The following TMEM132D variants were observed in gnomAD, a reference collection of about 807,000 sequenced individuals.
The protein encoded by TMEM132D is mature OL transmembrane protein.
Under a neutral mutation model 62.3 loss-of-function variants are expected in TMEM132D, and 21 were observed. The observed-to-expected ratio is 0.34, with a 90% CI of 0.24 to 0.49. The LOEUF (loss-of-function observed/expected upper bound fraction) is 0.49, where lower values mean the gene tolerates loss of function less well. Ranked by LOEUF, TMEM132D falls within the 20% of genes least tolerant of loss-of-function variation. The pLI is 0.99. For synonymous variants in TMEM132D, 621 were observed against 575.6 expected (o/e 1.08, Z -1.13); for missense variants, 1,346 against 1,402.8 (o/e 0.96, Z 0.65).
chr12:129,424,071 C>T (rs1365649269), intron 3 of TMEM132D, among the ~76,000 whole-genome samples: 2 of 152,060 alleles, frequency 1.3e-5, no homozygotes, highest in Non-Finnish European at 2.9e-5. Flanking sequence ...TTTTTTGATA[C>T]TAACGACAGT....
At chr12:129,790,614 G>A (rs545190771) in intron 1 of TMEM132D, among the ~76,000 whole-genome samples, 10 of 152,226 alleles carry the variant, frequency 6.6e-5, no homozygotes, top group South Asian at 6.2e-4. Context: ...GGGTTTTTAC[G>A]GCACAGGATG....
chr12:129,864,952 T>C (rs779778549), intron 1 of TMEM132D, among the ~76,000 whole-genome samples: 1 of 152,122 alleles, frequency 6.6e-6, no homozygotes, highest in Non-Finnish European at 1.5e-5. Context: ...GTGAGCTCCA[T>C]CCAAACTCTA....
chr12:129,136,922 C>T (rs1490748862), intron 5 of TMEM132D, among the ~76,000 whole-genome samples: 3 of 141,324 alleles, frequency 2.1e-5, no homozygotes, highest in Admixed American at 7.1e-5. Flanking sequence ...CACCATACCA[C>T]CACCATCATC....
chr12:129,651,987 C>A (rs79966872), intron 2 of TMEM132D, among the ~76,000 whole-genome samples: 3,949 of 152,240 alleles, frequency 0.026, 174 homozygotes, highest in African/African-American at 0.089. Flanking sequence ...AACCTTTAGT[C>A]CCAGGCAAAA....
chr12:129,405,364 A>G (rs1034327927), intron 3 of TMEM132D, among the ~76,000 whole-genome samples: 1 of 152,156 alleles, frequency 6.6e-6, no homozygotes, highest in African/African-American at 2.4e-5. Flanking sequence ...TAATCACCCC[A>G]AAGGCCCTCA....
intron 3 of TMEM132D, among the ~76,000 whole-genome samples, chr12:129,397,711 G>C (rs1286851874): frequency 2.0e-5 from 3 of 152,160 alleles, no homozygotes; most frequent in African/African-American, 7.2e-5. Flanking sequence ...TAATTTTACT[G>C]TCCTTTATCT....
At chr12:129,897,447 C>T (rs1346226659) in intron 1 of TMEM132D, among the ~76,000 whole-genome samples, 1 of 152,112 alleles carries the variant, frequency 6.6e-6, no homozygotes, top group Non-Finnish European at 1.5e-5. Context: ...TCTTCCCTGC[C>T]CAGGACCCTA....
intron 1 of TMEM132D, among the ~76,000 whole-genome samples, chr12:129,862,093 A>G (rs374106279): frequency 6.6e-6 from 1 of 152,344 alleles, no homozygotes; most frequent in Admixed American, 6.5e-5. Flanking sequence ...CATCTGAGTC[A>G]TGATAAAGCT....
intron 5 of TMEM132D, among the ~76,000 whole-genome samples, chr12:129,166,176 C>T (rs1478643374): frequency 3.3e-5 from 5 of 152,160 alleles, no homozygotes; most frequent in Non-Finnish European, 7.3e-5. Context: ...AGGGCTTAGG[C>T]AGGTAAAAAT....
chr12:129,404,130 G>T (rs1871701424), intron 3 of TMEM132D, among the ~76,000 whole-genome samples: 1 of 152,142 alleles, frequency 6.6e-6, no homozygotes, highest in African/African-American at 2.4e-5. Context: ...TTTTTAAAAA[G>T]AAAATTAGTA....
In TMEM132D at chr12:129,649,894, TTG is replaced by T. The variant is rs57011788; in HGVS notation, c.968+49914_968+49915del. Reference sequence around the variant, plus strand: ...TGTGTGCATGTGTGTATATGTGTGTTTGTGTGTGTGTCTATGTGTACGTGTGT... The same window carrying T: ...TGTGTGCATGTGTGTATATGTGTGTTTGTGTGTGTCTATGTGTACGTGTGT... On this transcript the variant is annotated intron_variant, in intron 2 of 8. Coordinates refer to ENST00000422113, the MANE Select transcript of TMEM132D (RefSeq NM_133448.3). Among the ~76,000 whole-genome samples, 757 of 151,718 alleles carry T rather than the reference TTG, an allele frequency of 5.0e-3. 8 individuals carry two copies. The highest frequency in any genetic ancestry group is 0.017 in the African/African-American group (718 of 41,402).
At chr12:129,637,637 C>T (rs1879518739) in intron 2 of TMEM132D, among the ~76,000 whole-genome samples, 1 of 152,110 alleles carries the variant, frequency 6.6e-6, no homozygotes, top group Admixed American at 6.6e-5. Context: ...TCCTGTAAAG[C>T]CTGCGGAGAC....
At chr12:129,218,579 T>C (rs1388880428) in intron 4 of TMEM132D, among the ~76,000 whole-genome samples, 1 of 152,242 alleles carries the variant, frequency 6.6e-6, no homozygotes, top group East Asian at 1.9e-4. Flanking sequence ...CACAGTGGTA[T>C]ACGCAGTTCA....
At chr12:129,556,831 G>T (rs540621312) in intron 2 of TMEM132D, among the ~76,000 whole-genome samples, 32 of 152,300 alleles carry the variant, frequency 2.1e-4, no homozygotes, top group African/African-American at 7.5e-4. Context: ...AGACGGTGAA[G>T]TTAGAGAACA....
At chr12:129,202,116 G>T (rs1274817204) in intron 5 of TMEM132D, among the ~76,000 whole-genome samples, 1 of 152,218 alleles carries the variant, frequency 6.6e-6, no homozygotes, top group Non-Finnish European at 1.5e-5. Context: ...GATTTCCTGA[G>T]AGGAGGTTTT....
chr12:129,704,803 A>C (rs1039787987), intron 1 of TMEM132D, among the ~76,000 whole-genome samples: 2 of 152,216 alleles, frequency 1.3e-5, no homozygotes, highest in Non-Finnish European at 2.9e-5. Context: ...GTAACGAAGG[A>C]AATTCAGAAA....
At chr12:129,689,329 T>C (rs1415184444) in intron 2 of TMEM132D, among the ~76,000 whole-genome samples, 3 of 152,208 alleles carry the variant, frequency 2.0e-5, no homozygotes, top group Admixed American at 2.0e-4. Flanking sequence ...AATATATTCT[T>C]ATAGCTGAGA....
chr12:129,863,367 T>C (rs1256249682), intron 1 of TMEM132D, among the ~76,000 whole-genome samples: 3 of 152,126 alleles, frequency 2.0e-5, no homozygotes, highest in African/African-American at 2.4e-5. Flanking sequence ...TGCACAGTTA[T>C]GGGTGCAGAG....
intron 3 of TMEM132D, among the ~76,000 whole-genome samples, chr12:129,496,259 G>A (rs1874953115): frequency 1.3e-5 from 2 of 152,148 alleles, no homozygotes; most frequent in Admixed American, 6.5e-5. Context: ...CGGACGGCAG[G>A]GGTGAGTTTT....
Sources: allele counts gnomAD v4.1 joint callset (sites outside exome capture counted in the v4.1 genomes callset), GRCh38; gene constraint gnomAD v4.1.1; transcripts MANE v1.5; gene names NCBI Gene and HGNC (gene_info 2026-07-23, HGNC 2026-07-21).